The following PCLO variants were observed in gnomAD, a reference collection of about 807,000 sequenced individuals.
PCLO encodes protein piccolo.
PCLO carries 82 observed loss-of-function variants against 427.5 expected under a neutral mutation model. That is an observed-to-expected ratio of 0.19 (90% CI 0.16 to 0.23). The LOEUF (loss-of-function observed/expected upper bound fraction) is 0.23. PCLO is among the 10% of genes least tolerant of loss of function. The probability of loss-of-function intolerance (pLI) is 1.00; values close to 1 mark genes in which losing one functional copy is unlikely to be tolerated. For missense variants in PCLO, 6,239 were observed against 6,115.9 expected (o/e 1.02, Z -0.67); for synonymous variants, 2,357 against 2,155.4 (o/e 1.09, Z -2.59).
intron 3 of PCLO, among the ~76,000 whole-genome samples, chr7:83,096,860 A>AATATATT (rs1554396335): frequency 1.2e-5 from 1 of 83,178 alleles, no homozygotes; most frequent in East Asian, 3.2e-4. Context: ...TATATATAAA[A>AATATATT]ATATATTATA....
chr7:83,090,726 T>C (rs1467634024), intron 3 of PCLO, among the ~76,000 whole-genome samples: 1 of 152,138 alleles, frequency 6.6e-6, no homozygotes, highest in African/African-American at 2.4e-5. Context: ...GACTAAAATA[T>C]TCTAAATATA....
chr7:82,879,466 T>C lies in PCLO; in HGVS notation c.13529-4A>G. On this transcript the variant is annotated splice_region_variant and splice_polypyrimidine_tract_variant and intron_variant, in intron 9 of 24. Transcript: ENST00000333891. The stretch of plus-strand genomic sequence containing the variant: ...ATTCTAATTCCTAATCCATTACCTG[T>C]ATTAAACAATTAGCAAATTATTAGT... 6.3e-7 allele frequency: 1 copy of C among 1,579,046 alleles called. No individual in the cohort carries two copies. The highest frequency in any genetic ancestry group is 8.7e-7 in the Non-Finnish European group (1 of 1,155,640).
At chr7:83,158,729 TCC>T (rs1792361013) in intron 1 of PCLO, among the ~76,000 whole-genome samples, 1 of 152,016 alleles carries the variant, frequency 6.6e-6, no homozygotes, top group Non-Finnish European at 1.5e-5. Flanking sequence ...TGCATGTACT[TCC>T]TACAAATATA....
At chr7:82,795,721 A>G (rs1583983760) in intron 22 of PCLO, among the ~76,000 whole-genome samples, 1 of 152,164 alleles carries the variant, frequency 6.6e-6, no homozygotes, top group South Asian at 2.1e-4. Flanking sequence ...TTCCATATCT[A>G]TATCTCCTAC....
chr7:82,847,503 C>T (rs904975551), intron 10 of PCLO, among the ~76,000 whole-genome samples: 6 of 152,016 alleles, frequency 3.9e-5, no homozygotes, highest in Middle Eastern at 3.2e-3. Context: ...TATTATCAAA[C>T]GCATGCATTC....
At chr7:82,775,359 C>T (rs151123570) in intron 22 of PCLO, among the ~76,000 whole-genome samples, 2,355 of 152,258 alleles carry the variant, frequency 0.015, 19 homozygotes, top group Non-Finnish European at 0.025. Context: ...CCACTGGCAA[C>T]GAATGAGCAT....
intron 9 of PCLO, among the ~76,000 whole-genome samples, chr7:82,893,780 ATTG>A (rs1793835205): frequency 6.6e-6 from 1 of 151,942 alleles, no homozygotes; most frequent in African/African-American, 2.4e-5. Flanking sequence ...CTCTCAGAAT[ATTG>A]TTGTTTCTTT....
In PCLO at chr7:82,956,138, T is replaced by G. The variant is rs773518507; in HGVS notation, c.4815A>C (p.Ala1605=). The change falls in exon 5 of 25, where the codon GCA becomes GCC. Residue 1605 remains alanine, a synonymous_variant. Coordinates refer to ENST00000333891, the MANE Select transcript of PCLO (RefSeq NM_033026.6). ...TTCGAGTCAGTCGTCTGTGTTTCCC[T>G]GCTGTTATTTTGCCTTTTCCCTTTG... The part of the protein sequence containing the change: ...EETKGKGKIT[A]GKHRRLTRKS... The G allele has an allele frequency of 6.8e-6, 11 of 1,608,724 alleles. No homozygotes were observed. Among genetic ancestry groups the G allele is most frequent in the Non-Finnish European group, 9.3e-6 (11 of 1,179,860 alleles).
rs1795409591 is a variant in PCLO at position 82,953,319 on chromosome 7, T to C, written c.7634A>G (p.Asn2545Ser). ...TTTATAATCTGCTGAAGTCACTAAATTTAAGGTCATACTTGAAGTTAAAGA... is the reference window on the plus strand; with the variant it reads ...TTTATAATCTGCTGAAGTCACTAAACTTAAGGTCATACTTGAAGTTAAAGA... ...GLSLTSSMTL[N>S]LVTSADYKLP... Residue 2545 changes from asparagine to serine, a missense_variant, in exon 5 of 25, where the codon AAT (asparagine) becomes AGT (serine). This residue lies in a region of PCLO where 4,677 missense variants were observed against 4,468.4 expected (regional missense o/e 1.05). Coordinates refer to ENST00000333891, the MANE Select transcript of PCLO (RefSeq NM_033026.6). 1.9e-6 allele frequency: 3 copies of C among 1,613,724 alleles called. No homozygotes were observed. The South Asian group carries it at 3.3e-5, about 18-fold the overall frequency.
chr7:83,137,489 G>A (rs1385103652), intron 2 of PCLO, among the ~76,000 whole-genome samples: 5 of 152,160 alleles, frequency 3.3e-5, no homozygotes, highest in African/African-American at 1.2e-4. Context: ...GGAGTGCAGT[G>A]GTGCGATCTC....
chr7:83,120,824 T>A (rs1039041620), intron 3 of PCLO, among the ~76,000 whole-genome samples: 1 of 152,150 alleles, frequency 6.6e-6, no homozygotes. Context: ...ACCTGTCTTA[T>A]AAGAAATCCT....
chr7:82,859,257 T>C (rs1252281216), intron 10 of PCLO, among the ~76,000 whole-genome samples: 2 of 152,288 alleles, frequency 1.3e-5, no homozygotes, highest in East Asian at 1.9e-4. Flanking sequence ...TGAGTGAACA[T>C]AGGCAATAGA....
chr7:82,846,687 G>T, intron 11 of PCLO, 53 bp from the exon 12 acceptor site: 1 of 1,276,226 alleles, frequency 7.8e-7, no homozygotes, highest in Non-Finnish European at 1.1e-6. Context: ...CTGAGACAAA[G>T]AGCACTTTTT....
rs1452094618 is a variant in PCLO, at chr7:82,875,228, A to T, written c.13654+4109T>A. Among the ~76,000 whole-genome samples, 7 of 152,104 alleles carry T rather than the reference A, an allele frequency of 4.6e-5. 1 individual carries two copies. The highest frequency in any genetic ancestry group is 1.3e-4 in the Admixed American group (2 of 15,254). ...ATTGTAGATTGATTGACAACTAAAA[A>T]ATTGGTTCAGGACATTTTTAATAGT... is the stretch of plus-strand genomic sequence containing the variant. On this transcript the variant is annotated intron_variant, in intron 10 of 24. Transcript: ENST00000333891.
In PCLO at chr7:82,916,780, T is replaced by A; in HGVS notation, c.11206A>T (p.Thr3736Ser). Residue 3736 changes from threonine to serine, a missense_variant, in exon 7 of 25, where the codon ACT becomes TCT. Transcript: ENST00000333891. ...NPPPEEISTGTQSTFSTMGTV... is the reference protein window; with the variant it reads ...NPPPEEISTGSQSTFSTMGTV... ...CCCATTGTGCTGAATGTGGATTGAG[T>A]TCCTGTGGAAATCTCCTCAGGAGGT... The A allele has an allele frequency of 6.2e-7, 1 of 1,613,662 alleles. No homozygotes were observed. The highest frequency in any genetic ancestry group is 1.1e-5 in the South Asian group (1 of 91,080).
chr7:82,849,881 T>C (rs1584045834), intron 10 of PCLO, among the ~76,000 whole-genome samples: 1 of 152,270 alleles, frequency 6.6e-6, no homozygotes, highest in African/African-American at 2.4e-5. Flanking sequence ...ATGATATGTA[T>C]TATTTAGTAT....
At chr7:83,013,166 A>C (rs2116005176) in intron 3 of PCLO, among the ~76,000 whole-genome samples, 1 of 152,176 alleles carries the variant, frequency 6.6e-6, no homozygotes, top group South Asian at 2.1e-4. Context: ...TAAAAATCAC[A>C]TGTGAGATAT....
intron 2 of PCLO, among the ~76,000 whole-genome samples, chr7:83,153,722 C>T (rs1319069760): frequency 6.6e-6 from 1 of 152,052 alleles, no homozygotes; most frequent in Non-Finnish European, 1.5e-5. Context: ...GAGCCTAAAC[C>T]TCTTCTCTAT....
chr7:82,953,627 C>CT lies in PCLO; in HGVS notation c.7325dup (p.Leu2443ValfsTer15). On this transcript the variant is annotated frameshift_variant, in exon 5 of 25. Coordinates refer to ENST00000333891, the MANE Select transcript of PCLO (RefSeq NM_033026.6). LOFTEE classifies it high-confidence loss of function. ...TAGTCACTGGAGATGCAACTGTTAACTTTTTTTTAGGAAGAATAGTTGGTT... is the reference window on the plus strand; with the variant it reads ...TAGTCACTGGAGATGCAACTGTTAACTTTTTTTTTAGGAAGAATAGTTGGTT... 2.0e-6 allele frequency: 3 copies of CT among 1,534,022 alleles called. No homozygotes were observed. Among genetic ancestry groups the CT allele is most frequent in the Admixed American group, 1.8e-5 (1 of 55,940 alleles).
Sources: gnomAD v4.1 joint callset for allele counts (sites outside exome capture counted in the v4.1 genomes callset) on GRCh38, gnomAD v4.1.1 for gene constraint, gnomAD v4.1.1 regional missense constraint, MANE v1.5 for transcripts, NCBI Gene and HGNC (gene_info 2026-07-23, HGNC 2026-07-21) for gene names.